The following NADSYN1 variants were observed in gnomAD, a reference collection of about 807,000 sequenced individuals.
The protein encoded by NADSYN1 is glutamine-dependent NAD(+) synthetase.
Under a neutral mutation model 99.3 loss-of-function variants are expected in NADSYN1, and 80 were observed. The observed-to-expected ratio is 0.81, with a 90% confidence interval of 0.67 to 0.97. The LOEUF (loss-of-function observed/expected upper bound fraction) is 0.97. Among genes scored for constraint, NADSYN1 ranks in the 50% least tolerant of loss-of-function variants. The probability of loss-of-function intolerance (pLI) is 0.00; values close to 1 mark genes in which losing one functional copy is unlikely to be tolerated. For synonymous variants in NADSYN1, 385 were observed against 372.1 expected (o/e 1.03, Z -0.40); for missense variants, 859 against 948.5 (o/e 0.91, Z 1.24).
At position 71,478,433 on chromosome 11, in the gene NADSYN1, G is replaced by A. The variant is rs367656924; in HGVS notation, c.837G>A (p.Arg279=). The change falls in exon 10 of 21, where the codon CGG becomes CGA. Residue 279 remains arginine, a synonymous_variant. Transcript: ENST00000319023. ...LTATLDLEDV[R]SYRAEISSRN... Reference sequence around the variant, plus strand: ...CCACGCTGGATCTGGAGGACGTCCGGAGCTACAGGGCGGAGATTTCATCTC... The same window carrying A: ...CCACGCTGGATCTGGAGGACGTCCGAAGCTACAGGGCGGAGATTTCATCTC... The A allele has an allele frequency of 6.2e-7, 1 of 1,609,478 alleles. No individual in the cohort carries two copies. Among genetic ancestry groups the A allele is most frequent in the Admixed American group, 1.7e-5 (1 of 59,434 alleles).
chr11:71,495,322 A>C (rs4944997), intron 18 of NADSYN1, among the ~76,000 whole-genome samples: 38 of 152,136 alleles, frequency 2.5e-4, no homozygotes, highest in African/African-American at 8.9e-4. Context: ...CCACGTATGC[A>C]TGAATTTCCA....
intron 16 of NADSYN1, among the ~76,000 whole-genome samples, chr11:71,486,992 G>C (rs1462625577): frequency 1.3e-5 from 2 of 151,876 alleles, no homozygotes; most frequent in Non-Finnish European, 2.9e-5. Context: ...ATTTTTAGTA[G>C]AGACGGTGTT....
At chr11:71,497,123 C>A (rs1949825424) in intron 18 of NADSYN1, 1 of 279,126 alleles carries the variant, frequency 3.6e-6, no homozygotes, top group Non-Finnish European at 7.0e-6. Flanking sequence ...AGCAGTCCTC[C>A]CACCTCGGCC....
chr11:71,484,399 A>C lies in NADSYN1; in HGVS notation c.1407A>C (p.Ala469=). The change falls in exon 15 of 21, where the codon GCA becomes GCC. Residue 469 remains alanine, a synonymous_variant. Transcript: ENST00000319023. ...SLVTGKSPLF[A]AHGGSSRENL... ...TGACGGGGAAGAGCCCTCTGTTTGC[A>C]GCTCATGGAGGAAGCAGCAGGGAAA... The C allele has an allele frequency of 6.2e-7, 1 of 1,614,182 alleles. No individual in the cohort carries two copies. Among genetic ancestry groups the C allele is most frequent in the Non-Finnish European group, 8.5e-7 (1 of 1,180,014 alleles).
chr11:71,482,906 A>G lies in NADSYN1; in HGVS notation c.1208A>G (p.Gln403Arg), dbSNP rs1205902261. Residue 403 changes from glutamine (Q) to arginine (R), a missense_variant, in exon 14 of 21, where the codon CAG becomes CGG. By Grantham distance (43) the Gln-to-Arg change is conservative (BLOSUM62 1). Transcript: ENST00000319023. ...GTGAACCAGATCAGCTACACCCCCC[A>G]GGATCCCCGAGACCTCTGTGGACGC... ...TIVNQISYTP[Q>R]DPRDLCGRIL... 14 of 1,613,114 alleles carry G rather than the reference A, an allele frequency of 8.7e-6. No homozygotes were observed. Among genetic ancestry groups the G allele is most frequent in the African/African-American group, 2.7e-5 (2 of 74,852 alleles).
chr11:71,456,489 G>A (rs887229590), intron 2 of NADSYN1, among the ~76,000 whole-genome samples: 2 of 152,202 alleles, frequency 1.3e-5, no homozygotes, highest in Non-Finnish European at 2.9e-5. Flanking sequence ...TCCTGGGCTG[G>A]TCCGGGGGCC....
rs148208225 is a variant in NADSYN1, at chr11:71,498,354, C to T, written c.1896C>T (p.Val632=). Residue 632 remains valine (V), a splice_region_variant and synonymous_variant, in exon 20 of 21, where the codon GTC becomes GTT. Coordinates refer to ENST00000319023, the MANE Select transcript of NADSYN1 (RefSeq NM_018161.5). ...MWRHICTPRQ[V]ADKVKRFFSK... is the part of the protein sequence containing the mutation. Reference sequence around the variant, plus strand: ...CTCGTGTGTTGCACGCCCACCAGGTCGCTGACAAAGTGAAGCGGTTTTTCT... The same window carrying T: ...CTCGTGTGTTGCACGCCCACCAGGTTGCTGACAAAGTGAAGCGGTTTTTCT... The T allele has an allele frequency of 1.6e-4, 258 of 1,613,982 alleles. No homozygotes were observed. The African/African-American group carries it at 2.8e-3, about 18-fold the overall frequency.
intron 5 of NADSYN1, among the ~76,000 whole-genome samples, chr11:71,468,728 T>G (rs760777633): frequency 7.2e-5 from 11 of 152,188 alleles, no homozygotes; most frequent in Non-Finnish European, 1.6e-4. Context: ...CTGGATTAAA[T>G]GAAAATCCAG....
chr11:71,453,492 C>A, intron 1 of NADSYN1, 111 bp downstream of exon 1: 1 of 1,008,828 alleles, frequency 9.9e-7, no homozygotes, highest in Non-Finnish European at 1.5e-6. Context: ...ACTCTCGGCC[C>A]TGGGCATGGG....
Position 71,453,319 on chromosome 11 carries a change from C to T in NADSYN1, c.23C>T (p.Ala8Val), listed in dbSNP as rs200607163. The T allele has an allele frequency of 1.2e-5, 19 of 1,613,820 alleles. No homozygotes were observed. The African/African-American group carries it at 2.1e-4, about 18-fold the overall frequency. MGRKVTVATCALNQWALD... is the reference protein window; with the variant it reads MGRKVTVVTCALNQWALD... ...AGGATGGGCCGGAAGGTGACCGTGG[C>T]CACCTGCGCACTCAACCAGTGGGCC... Residue 8 changes from alanine to valine, a missense_variant, in exon 1 of 21, where the codon GCC (alanine) becomes GTC (valine). By Grantham distance (64) the Ala-to-Val change is moderately conservative (BLOSUM62 0). Coordinates refer to ENST00000319023, the MANE Select transcript of NADSYN1 (RefSeq NM_018161.5).
Position 71,501,445 on chromosome 11 carries a change from G to C in NADSYN1, c.*93G>C, listed in dbSNP as rs761764749. ...GCCAAGGGTAGGAGCCCTACACTAGGAGCCCAGGATGGGACGGCGCATCAG... is the reference window on the plus strand; with the variant it reads ...GCCAAGGGTAGGAGCCCTACACTAGCAGCCCAGGATGGGACGGCGCATCAG... On this transcript the variant is annotated 3_prime_UTR_variant, in exon 21 of 21. Transcript: ENST00000319023. 1.6e-6 allele frequency: 2 copies of C among 1,288,286 alleles called. No homozygotes were observed. The highest frequency in any genetic ancestry group is 2.6e-5 in the South Asian group (2 of 76,946). 79.8% of individuals were successfully genotyped at this position (1,288,286 alleles called of 1,614,324 possible). A position where few individuals can be genotyped will look rare whatever the true frequency, so the allele number is the denominator to read the frequency against.
intron 14 of NADSYN1, among the ~76,000 whole-genome samples, chr11:71,483,413 T>A (rs1168516766): frequency 1.3e-5 from 2 of 152,176 alleles, no homozygotes; most frequent in Non-Finnish European, 2.9e-5. Flanking sequence ...GCAGGTCGTA[T>A]GTGCTCACCA....
intron 9 of NADSYN1, among the ~76,000 whole-genome samples, chr11:71,477,776 A>G (rs1237682042): frequency 6.6e-6 from 1 of 152,066 alleles, no homozygotes; most frequent in Admixed American, 6.6e-5. Flanking sequence ...GCCCTCCCCC[A>G]GCTCCATCCT....
intron 15 of NADSYN1, chr11:71,484,656 CTG>C (rs370302727): frequency 3.6e-4 from 235 of 655,628 alleles, no homozygotes; most frequent in African/African-American, 1.4e-3. Context: ...AGGAGGGGGT[CTG>C]TGTGTGTGTT....
chr11:71,496,090 G>T (rs1949816784), intron 18 of NADSYN1, among the ~76,000 whole-genome samples: 2 of 152,178 alleles, frequency 1.3e-5, no homozygotes. Flanking sequence ...ACGGGCTCAG[G>T]AGGACAGCAG....
intron 18 of NADSYN1, among the ~76,000 whole-genome samples, chr11:71,492,888 T>A (rs1206196454): frequency 1.6e-5 from 1 of 62,318 alleles, no homozygotes; most frequent in Non-Finnish European, 2.5e-5. Flanking sequence ...TGTCTCTAAA[T>A]TTTTTTTTTT....
chr11:71,478,334 T>C, intron 9 of NADSYN1, 61 bp from the exon 10 acceptor site: 2 of 1,414,294 alleles, frequency 1.4e-6, no homozygotes, highest in Non-Finnish European at 2.0e-6. Context: ...AGTGGCCAAA[T>C]TACACGTGGG....
Position 71,490,445 on chromosome 11 carries a change from A to G in NADSYN1, c.1563-400A>G, listed in dbSNP as rs139872623. On this transcript the variant is annotated intron_variant, in intron 16 of 20. Transcript: ENST00000319023. The stretch of plus-strand genomic sequence containing the variant: ...ACGTGGGCACCTTAGTGAGAGATGG[A>G]TTCTTCTGCCGACCACAGGCCTCAG... 2.0e-5 allele frequency among the ~76,000 whole-genome samples: 3 copies of G among 152,226 alleles called. No individual in the cohort carries two copies. The East Asian group carries it at 5.8e-4, about 29-fold the overall frequency.
At position 71,464,867 on chromosome 11, in the gene NADSYN1, CAAAAAAAAA is replaced by C. The variant is rs926724365; in HGVS notation, c.407+743_407+751del. Among the ~76,000 whole-genome samples the C allele has an allele frequency of 2.6e-3, 104 of 40,518 alleles. 1 individual carries two copies. The highest frequency in any genetic ancestry group is 8.1e-3 in the African/African-American group (99 of 12,216). The allele number at this position is 40,518 out of a possible 152,430, so 26.6% of individuals were successfully genotyped here. A position where few individuals can be genotyped will look rare whatever the true frequency, so the allele number is the denominator to read the frequency against. On this transcript the variant is annotated intron_variant, in intron 5 of 20. Coordinates refer to ENST00000319023, the MANE Select transcript of NADSYN1 (RefSeq NM_018161.5). ...TGAGCAACAGAGCGAGACTCTGTCT[CAAAAAAAAA>C]AAAAAAAAAAAAAAAAAGAGCGGGG... is the stretch of plus-strand genomic sequence containing the variant.
Sources: allele counts gnomAD v4.1 joint callset (sites outside exome capture counted in the v4.1 genomes callset), GRCh38; gene constraint gnomAD v4.1.1; transcripts MANE v1.5; gene names NCBI Gene and HGNC (gene_info 2026-07-23, HGNC 2026-07-21).